TENM3: variants seen among roughly 807,000 people sequenced by gnomAD.
The protein encoded by TENM3 is teneurin-3.
TENM3 carries 63 observed loss-of-function variants against 255.1 expected under a neutral mutation model. The ratio of observed to expected loss-of-function variants is 0.25; its 90% CI spans 0.20 to 0.30. TENM3 has a LOEUF of 0.30. Among genes scored for constraint, TENM3 ranks in the 10% least tolerant of loss-of-function variants. The pLI is 1.00. For missense variants in TENM3, 2,929 were observed against 3,461.1 expected (o/e 0.85, Z 3.86); for synonymous variants, 1,306 against 1,322.3 (o/e 0.99, Z 0.27).
At chr4:182,475,527 A>G (rs1412781909) in intron 3 of TENM3, among the ~76,000 whole-genome samples, 2 of 152,156 alleles carry the variant, frequency 1.3e-5, no homozygotes, top group African/African-American at 4.8e-5. Flanking sequence ...TATGCCTAAT[A>G]ATGTTAGACT....
At chr4:182,355,397 G>T (rs1280817864) in intron 3 of TENM3, among the ~76,000 whole-genome samples, 2 of 152,136 alleles carry the variant, frequency 1.3e-5, no homozygotes, top group Non-Finnish European at 2.9e-5. Flanking sequence ...TAATGCAGAG[G>T]AATAGTATGG....
chr4:182,105,966 C>A, the TENM3 span, among the ~76,000 whole-genome samples: 1 of 152,182 alleles, frequency 6.6e-6, no homozygotes, highest in African/African-American at 2.4e-5. Flanking sequence ...GCACTTGTAC[C>A]CCATACATTT....
At chr4:182,020,548 T>G in the TENM3 span, among the ~76,000 whole-genome samples, 2 of 152,064 alleles carry the variant, frequency 1.3e-5, no homozygotes, top group Non-Finnish European at 2.9e-5. Flanking sequence ...AGGAGGATAT[T>G]GAATGTTCCC....
At chr4:182,591,855 G>C (rs1374112112) in intron 3 of TENM3, among the ~76,000 whole-genome samples, 1 of 152,132 alleles carries the variant, frequency 6.6e-6, no homozygotes, top group African/African-American at 2.4e-5. Context: ...GAAAACGAAA[G>C]GAAAAGAAAA....
chr4:181,821,603 G>C, the TENM3 span: 1 of 152,158 alleles, frequency 6.6e-6, no homozygotes, highest in Non-Finnish European at 1.5e-5. Flanking sequence ...TGCCTGAGCG[G>C]TATTTATACA....
At chr4:181,946,918 T>G in the TENM3 span, among the ~76,000 whole-genome samples, 1 of 152,212 alleles carries the variant, frequency 6.6e-6, no homozygotes, top group Non-Finnish European at 1.5e-5. Context: ...CTCACAATTC[T>G]TTTATTCTTC....
chr4:181,501,134 A>C, the TENM3 span, among the ~76,000 whole-genome samples: 6 of 152,124 alleles, frequency 3.9e-5, no homozygotes, highest in African/African-American at 1.4e-4. Context: ...TGACTTCAGG[A>C]CTTGGCTAAA....
chr4:182,567,745 T>A (rs1235767363), intron 3 of TENM3, among the ~76,000 whole-genome samples: 2 of 94,578 alleles, frequency 2.1e-5, no homozygotes, highest in African/African-American at 7.4e-5. Context: ...CCCTACTCTA[T>A]TTTTTTTTTA....
the TENM3 span, among the ~76,000 whole-genome samples, chr4:181,606,960 C>T: frequency 6.6e-6 from 1 of 152,088 alleles, no homozygotes; most frequent in Non-Finnish European, 1.5e-5. Context: ...GAGAGATGAT[C>T]GTTACCAGCA....
chr4:182,259,519 C>A (rs956884144), intron 1 of TENM3, among the ~76,000 whole-genome samples: 1 of 152,028 alleles, frequency 6.6e-6, no homozygotes, highest in African/African-American at 2.4e-5. Flanking sequence ...GCCTTTGTTG[C>A]CCAGGCTGGT....
intron 1 of TENM3, among the ~76,000 whole-genome samples, chr4:182,212,514 G>A (rs1755119586): frequency 8.8e-6 from 1 of 113,838 alleles, no homozygotes; most frequent in South Asian, 2.8e-4. Flanking sequence ...CTTTATCTCA[G>A]CTACTTAAAA....
chr4:181,786,422 C>G, the TENM3 span, among the ~76,000 whole-genome samples: 1 of 152,126 alleles, frequency 6.6e-6, no homozygotes, highest in South Asian at 2.1e-4. Flanking sequence ...TACGTAAATA[C>G]TCTCTTCATA....
At chr4:181,627,051 T>C in the TENM3 span, among the ~76,000 whole-genome samples, 17,617 of 152,108 alleles carry the variant, frequency 0.12, 1,089 homozygotes, top group South Asian at 0.22. Context: ...AGGAGAAACA[T>C]GGAGATCTTA....
the TENM3 span, among the ~76,000 whole-genome samples, chr4:181,765,925 T>C: frequency 3.8e-4 from 58 of 152,326 alleles, no homozygotes; most frequent in South Asian, 0.011. Context: ...TATAAAGTGT[T>C]AAGTTATGTG....
At chr4:182,077,060 TC>T in the TENM3 span, among the ~76,000 whole-genome samples, 1 of 152,216 alleles carries the variant, frequency 6.6e-6, no homozygotes, top group Non-Finnish European at 1.5e-5. Context: ...AGCAGCATTT[TC>T]CAACTTCCGA....
intron 3 of TENM3, among the ~76,000 whole-genome samples, chr4:182,426,025 A>AAAAAAAAAAAAAAAAAAAAAAAAC (rs1771196688): frequency 8.0e-6 from 1 of 125,236 alleles, no homozygotes; most frequent in African/African-American, 2.9e-5. Flanking sequence ...AAAAAAAAAA[A>AAAAAAAAAAAAAAAAAAAAAAAAC]AAAAACACTC....
At chr4:182,491,257 C>T (rs564093813) in intron 3 of TENM3, among the ~76,000 whole-genome samples, 2 of 152,234 alleles carry the variant, frequency 1.3e-5, no homozygotes, top group African/African-American at 4.8e-5. Flanking sequence ...GTTTATTAAT[C>T]GTGGTTCGGC....
At chr4:182,486,667 A>G (rs995902609) in intron 3 of TENM3, among the ~76,000 whole-genome samples, 2 of 152,176 alleles carry the variant, frequency 1.3e-5, no homozygotes, top group African/African-American at 2.4e-5. Context: ...GAACCCCCAT[A>G]TGCTGCACTT....
At chr4:182,485,795 C>G (rs1330881153) in intron 3 of TENM3, among the ~76,000 whole-genome samples, 1 of 152,092 alleles carries the variant, frequency 6.6e-6, no homozygotes, top group Non-Finnish European at 1.5e-5. Flanking sequence ...AGACAGCATC[C>G]CTGTTCTCAA....
Sources: gnomAD v4.1 joint callset for allele counts (sites outside exome capture counted in the v4.1 genomes callset) on GRCh38, gnomAD v4.1.1 for gene constraint, MANE v1.5 for transcripts, NCBI Gene and HGNC (gene_info 2026-07-23, HGNC 2026-07-21) for gene names.